TENM2: variants seen among roughly 807,000 people sequenced by gnomAD.
The protein encoded by TENM2 is teneurin-2.
Under a neutral mutation model 245.2 loss-of-function variants are expected in TENM2, and 52 were observed. That is an observed-to-expected ratio of 0.21 (90% CI 0.17 to 0.27). The LOEUF (loss-of-function observed/expected upper bound fraction) is 0.27, where lower values mean the gene tolerates loss of function less well. TENM2 is among the 10% of genes least tolerant of loss of function. The pLI, the probability that TENM2 is intolerant of heterozygous loss-of-function variation, is 1.00. For synonymous variants in TENM2, 1,363 were observed against 1,438.9 expected, an observed-to-expected ratio of 0.95 and a Z score of 1.19; for missense variants, 3,046 against 3,666.8, an observed-to-expected ratio of 0.83 and a Z score of 4.37.
intron 16 of TENM2, 35 bp downstream of exon 18, chr5:168,199,149 A>T (rs775272022): frequency 3.1e-5 from 49 of 1,589,634 alleles, no homozygotes; most frequent in Non-Finnish European, 4.1e-5. Context: ...GACTCTCAGG[A>T]CTTCCCTAAC....
chr5:167,947,492 C>A lies in TENM2; in HGVS notation c.713-5096C>A, dbSNP rs376073225. Among the ~76,000 whole-genome samples, 9 of 152,134 alleles carry A rather than the reference C, an allele frequency of 5.9e-5. No homozygotes were observed. The East Asian group carries it at 1.2e-3, about 20-fold the overall frequency. ...GTCAGTGGCCAAGCAGGGATTCAAG[C>A]CAACCACTAGCCTGAACATCTGCAA... On this transcript the variant is annotated intron_variant, in intron 3 of 28. Transcript: ENST00000518659.
chr5:167,843,612 G>A (rs1421667194), intron 2 of TENM2, among the ~76,000 whole-genome samples: 1 of 152,148 alleles, frequency 6.6e-6, no homozygotes, highest in African/African-American at 2.4e-5. Context: ...AATAGAGCCT[G>A]ATTTATTCAG....
intron 12 of TENM2, among the ~76,000 whole-genome samples, chr5:168,153,207 C>A (rs912270072): frequency 1.3e-5 from 2 of 151,930 alleles, no homozygotes; most frequent in African/African-American, 4.8e-5. Flanking sequence ...ATAGGAATCA[C>A]CTGGGTAGCT....
At chr5:167,803,806 A>G (rs1409769312) in intron 2 of TENM2, among the ~76,000 whole-genome samples, 2 of 152,114 alleles carry the variant, frequency 1.3e-5, no homozygotes, top group Non-Finnish European at 2.9e-5. Flanking sequence ...TGTACAGTTT[A>G]GTGATTTTTA....
intron 1 of TENM2, among the ~76,000 whole-genome samples, chr5:167,345,247 A>G (rs1019855790): frequency 3.9e-5 from 6 of 152,202 alleles, no homozygotes; most frequent in Non-Finnish European, 7.3e-5. Flanking sequence ...GCTTCACGTC[A>G]CGATTGCATG....
the TENM2 span, among the ~76,000 whole-genome samples, chr5:167,276,813 G>A: frequency 5.3e-5 from 8 of 152,104 alleles, no homozygotes; most frequent in African/African-American, 1.7e-4. Flanking sequence ...ATTGTTGTAT[G>A]GTTATTTTTT....
chr5:167,291,601 G>A (rs1418070437), intron 1 of TENM2, among the ~76,000 whole-genome samples: 1 of 152,184 alleles, frequency 6.6e-6, no homozygotes, highest in Non-Finnish European at 1.5e-5. Flanking sequence ...AGGCTGGCCT[G>A]GCATGGGACA....
intron 5 of TENM2, among the ~76,000 whole-genome samples, chr5:168,030,607 G>A (rs1265813924): frequency 6.6e-6 from 1 of 152,124 alleles, no homozygotes; most frequent in East Asian, 1.9e-4. Flanking sequence ...CAGACAGTGA[G>A]CTTTTTGAGG....
intron 2 of TENM2, among the ~76,000 whole-genome samples, chr5:167,471,094 G>A (rs140638475): frequency 5.1e-4 from 78 of 152,234 alleles, no homozygotes; most frequent in Middle Eastern, 3.4e-3. Context: ...GCAAGACTGC[G>A]GCTTCTCTGG....
the TENM2 span, among the ~76,000 whole-genome samples, chr5:167,033,404 T>C: frequency 1.3e-5 from 2 of 152,176 alleles, no homozygotes; most frequent in Non-Finnish European, 2.9e-5. Flanking sequence ...TTTTTAGCCA[T>C]TTCAATTTCA....
In TENM2 at chr5:167,558,823, T is replaced by C. The variant is rs191517794; in HGVS notation, c.502+183350T>C. 5.3e-5 allele frequency among the ~76,000 whole-genome samples: 8 copies of C among 150,652 alleles called. No homozygotes were observed. The East Asian group carries it at 1.2e-3, about 22-fold the overall frequency. ...ACCATCCACTGGGTCCATGCAAAAATGGTCTTCCATGAATCCAGACCCTGG... is the reference window on the plus strand; with the variant it reads ...ACCATCCACTGGGTCCATGCAAAAACGGTCTTCCATGAATCCAGACCCTGG... On this transcript the variant is annotated intron_variant, in intron 2 of 28. Transcript: ENST00000518659.
the TENM2 span, among the ~76,000 whole-genome samples, chr5:167,254,935 G>GT: frequency 6.6e-6 from 1 of 152,042 alleles, no homozygotes; most frequent in Non-Finnish European, 1.5e-5. Context: ...AATAGAGTCA[G>GT]TAAGTCTGAA....
rs1554170146 is a variant in TENM2, at chr5:168,004,517, G to GTGCA, written c.1186+11335_1186+11336insTGCA. On this transcript the variant is annotated intron_variant, in intron 5 of 28. Coordinates refer to ENST00000518659, the Ensembl canonical transcript of TENM2. ...TTGGGATGCACGCATGCGCGCGCGC[G>GTGCA]CACACACACACACACACACACACAC... is the stretch of plus-strand genomic sequence containing the variant. 4.7e-4 allele frequency among the ~76,000 whole-genome samples: 62 copies of GTGCA among 132,226 alleles called. 1 individual carries two copies. The highest frequency in any genetic ancestry group is 1.7e-3 in the African/African-American group (56 of 33,116). 86.7% of individuals were successfully genotyped at this position (132,226 alleles called of 152,430 possible).
intron 5 of TENM2, among the ~76,000 whole-genome samples, chr5:168,023,378 G>A (rs1040610364): frequency 6.6e-6 from 1 of 152,174 alleles, no homozygotes; most frequent in African/African-American, 2.4e-5. Context: ...CGAGTGTGAT[G>A]GGAAGATGAG....
At chr5:168,181,669 CTTTTTTTTT>C (rs36042366) in intron 13 of TENM2, among the ~76,000 whole-genome samples, 4 of 78,864 alleles carry the variant, frequency 5.1e-5, no homozygotes, top group South Asian at 5.8e-4. Context: ...AGTTTTACTT[CTTTTTTTTT>C]TTTTTTTTTT....
chr5:167,047,618 A>G, the TENM2 span, among the ~76,000 whole-genome samples: 9 of 152,184 alleles, frequency 5.9e-5, no homozygotes, highest in African/African-American at 1.9e-4. Flanking sequence ...TCTTGGTTTT[A>G]TTAGGTGTCA....
chr5:168,188,226 A>C (rs1177637329), intron 13 of TENM2, among the ~76,000 whole-genome samples: 1 of 152,246 alleles, frequency 6.6e-6, no homozygotes, highest in East Asian at 1.9e-4. Context: ...AGTAAATTTA[A>C]AGCACCCAGC....
chr5:167,729,849 A>G (rs1582859781), intron 2 of TENM2, among the ~76,000 whole-genome samples: 1 of 152,228 alleles, frequency 6.6e-6, no homozygotes, highest in East Asian at 1.9e-4. Flanking sequence ...AAATGGCCAC[A>G]TGCAACCTCT....
At chr5:167,705,984 TATATA>T (rs1561690615) in intron 2 of TENM2, among the ~76,000 whole-genome samples, 12 of 87,882 alleles carry the variant, frequency 1.4e-4, no homozygotes, top group African/African-American at 8.3e-4. Flanking sequence ...TATATATATA[TATATA>T]TATTTATTTA....
Sources: allele counts gnomAD v4.1 joint callset (sites outside exome capture counted in the v4.1 genomes callset), GRCh38; gene constraint gnomAD v4.1.1; transcripts MANE v1.5; gene names NCBI Gene and HGNC (gene_info 2026-07-23, HGNC 2026-07-21).